The following TCF4 variants were observed in gnomAD, a reference collection of about 807,000 sequenced individuals.
TCF4 encodes the protein SL3-3 enhancer factor 2.
Under a neutral mutation model 82.1 loss-of-function variants are expected in TCF4, and 3 were observed. The observed-to-expected ratio is 0.04, with a 90% confidence interval of 0.02 to 0.09. The LOEUF (loss-of-function observed/expected upper bound fraction) is 0.09, where lower values mean the gene tolerates loss of function less well. TCF4 is among the 10% of genes least tolerant of loss of function. The pLI, the probability that TCF4 is intolerant of heterozygous loss-of-function variation, is 1.00. For synonymous variants in TCF4, 276 were observed against 309.6 expected, an observed-to-expected ratio of 0.89 and a Z score of 1.14; for missense variants, 518 against 852.7, an observed-to-expected ratio of 0.61 and a Z score of 4.89.
At chr18:55,311,058 C>T (rs781503320) in intron 8 of TCF4, among the ~76,000 whole-genome samples, 5 of 151,924 alleles carry the variant, frequency 3.3e-5, no homozygotes, top group Non-Finnish European at 5.9e-5. Flanking sequence ...TAAAATCTCA[C>T]GTTTTCATGG....
chr18:55,268,418 A>G (rs2059645132), intron 11 of TCF4: 1 of 152,098 alleles, frequency 6.6e-6, no homozygotes, highest in Non-Finnish European at 1.5e-5. Context: ...AAATCTGCCA[A>G]AACTGCATTG....
intron 3 of TCF4, among the ~76,000 whole-genome samples, chr18:55,567,007 G>A (rs2097415142): frequency 6.6e-6 from 1 of 152,064 alleles, no homozygotes; most frequent in African/African-American, 2.4e-5. Flanking sequence ...CAATCAGAAA[G>A]ATACTGAACT....
At position 55,450,216 on chromosome 18, in the gene TCF4, T is replaced by C. The variant is rs1443312465; in HGVS notation, c.304+10803A>G. On this transcript the variant is annotated intron_variant, in intron 5 of 19. Transcript: ENST00000354452. Reference sequence around the variant, plus strand: ...CACCACTTCCCCCATGTTAGTTCTCTTGTGGCATTTTCAACCTACGTGAAA... The same window carrying C: ...CACCACTTCCCCCATGTTAGTTCTCCTGTGGCATTTTCAACCTACGTGAAA... Among the ~76,000 whole-genome samples, 4 of 152,204 alleles carry C rather than the reference T, an allele frequency of 2.6e-5. No individual in the cohort carries two copies. In the East Asian group the frequency reaches 7.7e-4, roughly 29 times the overall value.
intron 3 of TCF4, among the ~76,000 whole-genome samples, chr18:55,549,129 C>T (rs987540176): frequency 5.9e-5 from 9 of 151,984 alleles, no homozygotes; most frequent in African/African-American, 1.7e-4. Flanking sequence ...GGCAAAACCC[C>T]GTCACCACAA....
At chr18:55,321,947 T>G (rs1163692763) in intron 8 of TCF4, 2 of 1,365,794 alleles carry the variant, frequency 1.5e-6, no homozygotes, top group African/African-American at 2.9e-5. Context: ...GCAGCGGAGC[T>G]GGAAGGCAGC....
chr18:55,336,828 T>G (rs894133448), intron 8 of TCF4, among the ~76,000 whole-genome samples: 1 of 152,122 alleles, frequency 6.6e-6, no homozygotes, highest in African/African-American at 2.4e-5. Context: ...TAATCTTTCA[T>G]ACGACATCCA....
At chr18:55,581,879 A>G (rs2097578079) in intron 3 of TCF4, among the ~76,000 whole-genome samples, 1 of 152,108 alleles carries the variant, frequency 6.6e-6, no homozygotes, top group African/African-American at 2.4e-5. Context: ...TCTTTTAACA[A>G]TACCTGAACA....
intron 3 of TCF4, among the ~76,000 whole-genome samples, chr18:55,476,114 G>A (rs1415608247): frequency 6.6e-6 from 1 of 152,058 alleles, no homozygotes; most frequent in African/African-American, 2.4e-5. Flanking sequence ...AAATTCAAAT[G>A]CAGAGACAAG....
intron 3 of TCF4, among the ~76,000 whole-genome samples, chr18:55,480,296 A>AAAAAGAGG (rs1568175293): frequency 1.6e-5 from 1 of 63,356 alleles, no homozygotes; most frequent in African/African-American, 6.0e-5. Context: ...AAAAAAAAAA[A>AAAAAGAGG]GCGGGGGGGC....
chr18:55,289,487 A>T (rs1035615948), intron 8 of TCF4, among the ~76,000 whole-genome samples: 1 of 152,214 alleles, frequency 6.6e-6, no homozygotes, highest in African/African-American at 2.4e-5. Flanking sequence ...AATTATTTCT[A>T]TCTCTGTTTA....
chr18:55,276,090 C>T (rs2061455830), intron 9 of TCF4, among the ~76,000 whole-genome samples: 1 of 151,908 alleles, frequency 6.6e-6, no homozygotes, highest in Admixed American at 6.6e-5. Flanking sequence ...CTATGAAAAC[C>T]AACTAAAAAG....
chr18:55,585,375 A>G (rs1420109795), intron 2 of TCF4, 23 bp from the exon 3 acceptor site: 1 of 1,607,480 alleles, frequency 6.2e-7, no homozygotes, highest in Non-Finnish European at 8.5e-7. Context: ...AAGAAATATT[A>G]CAGTTGAAAA....
At chr18:55,571,867 T>C (rs1298876288) in intron 3 of TCF4, among the ~76,000 whole-genome samples, 1 of 132,764 alleles carries the variant, frequency 7.5e-6, no homozygotes, top group Non-Finnish European at 1.6e-5. Flanking sequence ...CTATCATATT[T>C]TCTTTTCAAA....
At chr18:55,592,799 G>A (rs892139940), upstream of TCF4, among the ~76,000 whole-genome samples, 39 of 152,200 alleles carry the variant, frequency 2.6e-4, no homozygotes, top group Admixed American at 2.6e-3. Flanking sequence ...CATGGTTATA[G>A]GGAAACAAGA....
At chr18:55,574,734 T>C (rs2097511407) in intron 3 of TCF4, among the ~76,000 whole-genome samples, 1 of 152,216 alleles carries the variant, frequency 6.6e-6, no homozygotes, top group Admixed American at 6.5e-5. Context: ...TTGAAATTTG[T>C]TGTTCTTTGT....
At chr18:55,377,929 T>C (rs1040817903) in intron 6 of TCF4, among the ~76,000 whole-genome samples, 6 of 152,170 alleles carry the variant, frequency 3.9e-5, no homozygotes, top group African/African-American at 1.4e-4. Flanking sequence ...CGCTATAGAA[T>C]AAAAAGACAA....
At chr18:55,370,177 C>T (rs1281085437) in intron 6 of TCF4, among the ~76,000 whole-genome samples, 2 of 152,142 alleles carry the variant, frequency 1.3e-5, no homozygotes, top group Admixed American at 6.5e-5. Flanking sequence ...GCAGGAGGAT[C>T]GCTTGAGCCC....
chr18:55,488,499 C>G (rs897716284), intron 3 of TCF4, among the ~76,000 whole-genome samples: 1 of 152,064 alleles, frequency 6.6e-6, no homozygotes, highest in African/African-American at 2.4e-5. Flanking sequence ...AAATGCCAAA[C>G]AAAGCAACTG....
intron 5 of TCF4, 187 bp from the exon 6 acceptor site, chr18:55,403,705 T>A (rs1434011834): frequency 2.6e-6 from 4 of 1,542,872 alleles, no homozygotes; most frequent in African/African-American, 1.4e-5. Context: ...TGGAAAAAAA[T>A]ATCCTTCATT....
Sources: allele counts gnomAD v4.1 joint callset (sites outside exome capture counted in the v4.1 genomes callset), GRCh38; gene constraint gnomAD v4.1.1; transcripts MANE v1.5; gene names NCBI Gene and HGNC (gene_info 2026-07-23, HGNC 2026-07-21).